EEPD1: variants seen among roughly 807,000 people sequenced by gnomAD.
EEPD1 encodes endonuclease/exonuclease/phosphatase family domain-containing protein 1.
EEPD1 carries 17 observed loss-of-function variants against 46.3 expected under a neutral mutation model. The observed-to-expected ratio is 0.37, with a 90% CI of 0.25 to 0.55. The LOEUF (loss-of-function observed/expected upper bound fraction) is 0.55. Ranked by LOEUF, EEPD1 falls within the 20% of genes least tolerant of loss-of-function variation. EEPD1 has a pLI of 0.83. For missense variants in EEPD1, 673 were observed against 745.6 expected (o/e 0.90, Z 1.13); for synonymous variants, 313 against 315.6 (o/e 0.99, Z 0.09).
At chr7:36,171,834 A>C (rs1428992936) in intron 2 of EEPD1, among the ~76,000 whole-genome samples, 2 of 152,186 alleles carry the variant, frequency 1.3e-5, no homozygotes, top group Non-Finnish European at 2.9e-5. Flanking sequence ...CATCTGATTC[A>C]GTTTCAAAGC....
chr7:36,209,649 TGGCTGCAC>T (rs1228840626), intron 2 of EEPD1, among the ~76,000 whole-genome samples: 3 of 916 alleles, frequency 3.3e-3, no homozygotes, highest in African/African-American at 6.7e-3. Flanking sequence ...TGCACATGTT[TGGCTGCAC>T]ATGTTTAGGG....
intron 2 of EEPD1, among the ~76,000 whole-genome samples, chr7:36,204,038 CT>C (rs532419871): frequency 0.071 from 8,563 of 121,328 alleles, 285 homozygotes; most frequent in Non-Finnish European, 0.1. Flanking sequence ...TTTTCTTTTT[CT>C]TTTTTTTTTT....
Position 36,299,193 on chromosome 7 carries a change from A to G in EEPD1, c.1697A>G (p.Lys566Arg). ...VALERSEANIKHER is the reference protein window; with the variant it reads ...VALERSEANIRHER ...TTGGAGCGAAGTGAAGCCAACATCAAGCACGAGCGATGATGACACCAAATC... is the reference window on the plus strand; with the variant it reads ...TTGGAGCGAAGTGAAGCCAACATCAGGCACGAGCGATGATGACACCAAATC... Residue 566 changes from lysine to arginine, a missense_variant, in exon 8 of 8, where the codon AAG becomes AGG. Transcript: ENST00000242108. The G allele has an allele frequency of 6.2e-7, 1 of 1,614,090 alleles. No homozygotes were observed. Among genetic ancestry groups the G allele is most frequent in the Non-Finnish European group, 8.5e-7 (1 of 1,179,964 alleles).
chr7:36,278,559 A>G (rs1395893554), intron 3 of EEPD1, among the ~76,000 whole-genome samples: 2 of 151,968 alleles, frequency 1.3e-5, no homozygotes, highest in African/African-American at 2.4e-5. Flanking sequence ...ATCCCAGGAG[A>G]TTCTGATGAG....
intron 3 of EEPD1, among the ~76,000 whole-genome samples, chr7:36,275,548 G>A (rs1422816986): frequency 1.3e-5 from 2 of 152,168 alleles, no homozygotes; most frequent in Non-Finnish European, 2.9e-5. Flanking sequence ...CCAGGTTCAA[G>A]CGAGTCTCCT....
intron 2 of EEPD1, among the ~76,000 whole-genome samples, chr7:36,227,444 A>G (rs915255934): frequency 6.6e-6 from 1 of 152,194 alleles, no homozygotes; most frequent in African/African-American, 2.4e-5. Flanking sequence ...TATTTAGGAA[A>G]AGCAGCTCCT....
At position 36,154,573 on chromosome 7, in the gene EEPD1, C is replaced by T. The variant is rs1290531728; in HGVS notation, c.249C>T (p.Val83=). 24 of 1,613,930 alleles carry T rather than the reference C, an allele frequency of 1.5e-5. No homozygotes were observed. The highest frequency in any genetic ancestry group is 2.2e-5 in the South Asian group (2 of 91,072). Reference sequence around the variant, plus strand: ...AGAAGGTGGAGGACCTGGCATTGGTCAGTGGTGTAGGCGCCACCAAGCTGG... The same window carrying T: ...AGAAGGTGGAGGACCTGGCATTGGTTAGTGGTGTAGGCGCCACCAAGCTGG... The part of the protein sequence containing the change: ...GFKKVEDLAL[V]SGVGATKLEQ... Residue 83 remains valine (V), a synonymous_variant, in exon 2 of 8, where the codon GTC becomes GTT. Coordinates refer to ENST00000242108, the MANE Select transcript of EEPD1 (RefSeq NM_030636.3). This position sits in a 1 kb window ranked among gnomAD's most constrained non-coding sequence, Gnocchi z 4.2.
chr7:36,239,894 A>G (rs1786528266), intron 3 of EEPD1, among the ~76,000 whole-genome samples: 1 of 152,242 alleles, frequency 6.6e-6, no homozygotes, highest in Non-Finnish European at 1.5e-5. Context: ...TGTTGCTAAC[A>G]TGAAGCAACA....
intron 2 of EEPD1, among the ~76,000 whole-genome samples, chr7:36,171,317 A>G (rs1785076358): frequency 6.7e-6 from 1 of 149,092 alleles, no homozygotes; most frequent in Non-Finnish European, 1.5e-5. Context: ...TACACAAAAG[A>G]GTGGACCCAG....
intron 2 of EEPD1, chr7:36,229,350 TG>T (rs1180529839): frequency 6.6e-6 from 1 of 152,178 alleles, no homozygotes; most frequent in Admixed American, 6.5e-5. Context: ...AGAGAAAAAC[TG>T]GGTCCCGTGA....
intron 6 of EEPD1, among the ~76,000 whole-genome samples, chr7:36,290,298 A>G (rs1258689718): frequency 6.6e-6 from 1 of 152,128 alleles, no homozygotes; most frequent in Non-Finnish European, 1.5e-5. Context: ...CAAATTGCCA[A>G]GGTACTATTG....
chr7:36,235,927 CTTT>C (rs35122231), intron 2 of EEPD1, among the ~76,000 whole-genome samples: 4 of 138,542 alleles, frequency 2.9e-5, no homozygotes, highest in Admixed American at 7.2e-5. Context: ...GAACTTTTTC[CTTT>C]TTTTTTTTTT....
In EEPD1 at chr7:36,154,231, T is replaced by A; in HGVS notation, c.-94T>A. 1 of 1,437,376 alleles carries A rather than the reference T, an allele frequency of 7.0e-7. No individual in the cohort carries two copies. The allele number at this position is 1,437,376 out of a possible 1,614,324, so 89.0% of individuals were successfully genotyped here. A position where few individuals can be genotyped will look rare whatever the true frequency, so the allele number is the denominator to read the frequency against. On this transcript the variant is annotated 5_prime_UTR_variant, in exon 2 of 8. Transcript: ENST00000242108. The surrounding 1 kb of genome is among the most constrained non-coding windows in gnomAD (Gnocchi z 4.2). Reference sequence around the variant, plus strand: ...GTCCCTGAATCCTGCACCTTCCGTTTTTCTGTGCTTGTACGGCCTACTGGG... The same window carrying A: ...GTCCCTGAATCCTGCACCTTCCGTTATTCTGTGCTTGTACGGCCTACTGGG...
intron 2 of EEPD1, among the ~76,000 whole-genome samples, chr7:36,211,808 C>A (rs1164022861): frequency 6.6e-6 from 1 of 151,906 alleles, no homozygotes; most frequent in Non-Finnish European, 1.5e-5. Flanking sequence ...GCCTGTAAAC[C>A]CAGCTACTCA....
At chr7:36,284,845 C>T (rs753098410) in intron 5 of EEPD1, 25 bp downstream of exon 5, 72 of 1,435,946 alleles carry the variant, frequency 5.0e-5, no homozygotes, top group Middle Eastern at 3.8e-4. Flanking sequence ...CCGTCTGTGA[C>T]GTGGAATCTG....
At chr7:36,269,659 G>T (rs1409450729) in intron 3 of EEPD1, among the ~76,000 whole-genome samples, 1 of 152,158 alleles carries the variant, frequency 6.6e-6, no homozygotes, top group Non-Finnish European at 1.5e-5. Flanking sequence ...ACTTCAGGAG[G>T]CCCATGCGGA....
At chr7:36,179,693 C>G (rs1181676216) in intron 2 of EEPD1, among the ~76,000 whole-genome samples, 1 of 103,330 alleles carries the variant, frequency 9.7e-6, no homozygotes, top group African/African-American at 3.8e-5. Context: ...AACCCTGTCT[C>G]TACTAAAAAA....
At chr7:36,236,952 G>A (rs1393563276) in intron 2 of EEPD1, among the ~76,000 whole-genome samples, 2 of 152,238 alleles carry the variant, frequency 1.3e-5, no homozygotes, top group East Asian at 3.9e-4. Context: ...ATACCAGGCT[G>A]TGGAAGCTTC....
chr7:36,240,399 T>C (rs1191728343), intron 3 of EEPD1, among the ~76,000 whole-genome samples: 2 of 152,188 alleles, frequency 1.3e-5, no homozygotes, highest in African/African-American at 4.8e-5. Flanking sequence ...GGATTTGATG[T>C]CCCCTCAACC....
Sources: gnomAD v4.1 joint callset for allele counts (sites outside exome capture counted in the v4.1 genomes callset) on GRCh38, gnomAD v4.1.1 for gene constraint, Gnocchi (gnomAD v3.1) non-coding constraint, MANE v1.5 for transcripts, NCBI Gene and HGNC (gene_info 2026-07-23, HGNC 2026-07-21) for gene names.